The following TAB2 variants were observed in gnomAD, a reference collection of about 807,000 sequenced individuals.
TAB2 encodes the protein TGF-beta-activated kinase 1 and MAP3K7-binding protein 2.
Under a neutral mutation model 65.0 loss-of-function variants are expected in TAB2, and 3 were observed. The ratio of observed to expected loss-of-function variants is 0.05; its 90% confidence interval spans 0.02 to 0.12. The LOEUF (loss-of-function observed/expected upper bound fraction) is 0.12. Among genes scored for constraint, TAB2 ranks in the 10% least tolerant of loss-of-function variants. The probability of loss-of-function intolerance (pLI) is 1.00; values close to 1 mark genes in which losing one functional copy is unlikely to be tolerated. For synonymous variants in TAB2, 298 were observed against 285.1 expected (o/e 1.05, Z -0.46); for missense variants, 623 against 840.3 (o/e 0.74, Z 3.20).
At chr6:149,406,133 C>CT (rs1321502838) in intron 6 of TAB2, among the ~76,000 whole-genome samples, 1 of 152,164 alleles carries the variant, frequency 6.6e-6, no homozygotes, top group Admixed American at 6.5e-5. Context: ...CAGGTCAGCA[C>CT]TCATAGTGTT....
intron 1 of TAB2, among the ~76,000 whole-genome samples, chr6:149,258,352 G>C (rs1393316946): frequency 2.6e-5 from 4 of 151,588 alleles, no homozygotes; most frequent in African/African-American, 7.3e-5. Context: ...CATGAACTTA[G>C]GAAAATATAG....
At chr6:149,385,265 AATTTT>A (rs1781752163) in intron 3 of TAB2, among the ~76,000 whole-genome samples, 1 of 152,372 alleles carries the variant, frequency 6.6e-6, no homozygotes, top group East Asian at 1.9e-4. Flanking sequence ...AAGGAAATAT[AATTTT>A]ATTTAGTTCA....
In TAB2 at chr6:149,367,134, C is replaced by T. The variant is rs527299205; in HGVS notation, c.-89-2775C>T. ...CAGTGAACTTCAGAGTCCTTGATCC[C>T]ATGGGGCTAATGTTTTGGGGATGGA... On this transcript the variant is annotated intron_variant, in intron 1 of 6. Coordinates refer to ENST00000637181, the MANE Select transcript of TAB2 (RefSeq NM_001292034.3). 3.9e-5 allele frequency among the ~76,000 whole-genome samples: 6 copies of T among 152,088 alleles called. No homozygotes were observed. In the East Asian group the frequency reaches 7.7e-4, roughly 20 times the overall value.
chr6:149,383,321 A>T (rs913738931), intron 3 of TAB2, among the ~76,000 whole-genome samples: 2 of 152,186 alleles, frequency 1.3e-5, no homozygotes, highest in African/African-American at 4.8e-5. Flanking sequence ...CCTACCAAGA[A>T]AGCAGGTTTC....
intron 2 of TAB2, among the ~76,000 whole-genome samples, chr6:149,370,348 G>A (rs996674949): frequency 1.3e-5 from 2 of 152,168 alleles, no homozygotes; most frequent in African/African-American, 4.8e-5. Context: ...GTAAAGCATT[G>A]ATAATATCTG....
rs6923226 is a variant in TAB2, at chr6:149,305,384, T to G, written c.-120-72634T>G. On this transcript the variant is annotated intron_variant, in intron 1 of 1. Coordinates refer to the TAB2 transcript ENST00000606202. ...CACCACAAGCTTAAAATCGAAATCC[T>G]GCATTAGTTTGTCACTTTGAATACG... Among the ~76,000 whole-genome samples the G allele has an allele frequency of 2.7e-3, 412 of 152,324 alleles. 2 individuals are homozygous for G. In the Middle Eastern group the frequency reaches 0.027, roughly 10 times the overall value.
intron 1 of TAB2, chr6:149,243,516 CA>C (rs753350104): frequency 5.9e-5 from 9 of 152,292 alleles, no homozygotes; most frequent in South Asian, 4.1e-4. Context: ...TAAGTTTGTA[CA>C]AATCTTCCCC....
intron 6 of TAB2, among the ~76,000 whole-genome samples, chr6:149,403,980 G>A (rs1782574982): frequency 2.0e-5 from 3 of 152,072 alleles, no homozygotes; most frequent in African/African-American, 7.2e-5. Flanking sequence ...ATATCACCTA[G>A]CCAGAGCAAT....
intron 1 of TAB2, among the ~76,000 whole-genome samples, chr6:149,357,550 G>A (rs1780706252): frequency 6.6e-6 from 1 of 151,232 alleles, no homozygotes; most frequent in Non-Finnish European, 1.5e-5. Flanking sequence ...GTTTAATTTA[G>A]TCTATGCTTC....
intron 1 of TAB2, among the ~76,000 whole-genome samples, chr6:149,328,046 T>G (rs575487044): frequency 4.6e-5 from 7 of 152,320 alleles, no homozygotes; most frequent in African/African-American, 1.7e-4. Flanking sequence ...TGAAGGTAAT[T>G]AGTTCATTAC....
rs116300073 is a variant in TAB2, at chr6:149,334,867, G to A, written c.-90+16852G>A. Among the ~76,000 whole-genome samples, 766 of 152,202 alleles carry A rather than the reference G, an allele frequency of 5.0e-3. 8 individuals are homozygous for A. The highest frequency in any genetic ancestry group is 0.018 in the African/African-American group (739 of 41,530). On this transcript the variant is annotated intron_variant, in intron 1 of 6. Coordinates refer to ENST00000637181, the MANE Select transcript of TAB2 (RefSeq NM_001292034.3). ...AGAGGAAAAGAATTGAGAACTCTGAGGTTTCTAGCTTCAGAAGCATGTCAT... is the reference window on the plus strand; with the variant it reads ...AGAGGAAAAGAATTGAGAACTCTGAAGTTTCTAGCTTCAGAAGCATGTCAT...
At chr6:149,320,266 G>C (rs924015490) in intron 1 of TAB2, among the ~76,000 whole-genome samples, 2 of 152,062 alleles carry the variant, frequency 1.3e-5, no homozygotes, top group African/African-American at 2.4e-5. Flanking sequence ...TAGTAGAGAT[G>C]GAGTTTCACC....
chr6:149,229,308 C>T (rs975516067), intron 1 of TAB2, among the ~76,000 whole-genome samples: 5 of 152,120 alleles, frequency 3.3e-5, no homozygotes, highest in Admixed American at 2.0e-4. Flanking sequence ...AACAGTGCAA[C>T]GTAAAACCCT....
At chr6:149,259,101 T>C (rs571930483) in intron 1 of TAB2, among the ~76,000 whole-genome samples, 233 of 152,328 alleles carry the variant, frequency 1.5e-3, no homozygotes, top group African/African-American at 5.4e-3. Context: ...AGAGCCACTT[T>C]AGACTTCTGA....
chr6:149,253,962 G>GAA (rs1562389207), intron 1 of TAB2, among the ~76,000 whole-genome samples: 610 of 42,670 alleles, frequency 0.014, 2 homozygotes, highest in Non-Finnish European at 0.019. Context: ...GAAAGAAAAA[G>GAA]AAAGAAAGAA....
intron 1 of TAB2, among the ~76,000 whole-genome samples, chr6:149,344,407 AT>A (rs1217893704): frequency 2.6e-5 from 4 of 152,206 alleles, no homozygotes; most frequent in African/African-American, 9.6e-5. Context: ...ACTGGAGAGA[AT>A]CAGCTTTGTG....
Position 149,378,957 on chromosome 6 carries a change from A to G in TAB2, c.1042A>G (p.Thr348Ala). 1 of 1,614,120 alleles carries G rather than the reference A, an allele frequency of 6.2e-7. No individual in the cohort carries two copies. The highest frequency in any genetic ancestry group is 8.5e-7 in the Non-Finnish European group (1 of 1,180,040). Reference sequence around the variant, plus strand: ...AAAACTGCGTTCTTCTGGACCTCGAACCTCCAGCACTTCCTCTTCAGTCAA... The same window carrying G: ...AAAACTGCGTTCTTCTGGACCTCGAGCCTCCAGCACTTCCTCTTCAGTCAA... ...SSKLRSSGPR[T>A]SSTSSSVNSQ... The change falls in exon 3 of 7, where the codon ACC becomes GCC. Residue 348 changes from threonine to alanine, a missense_variant. Around this residue, in one of 3 missense-constraint regions of TAB2, gnomAD observed 550 missense variants for 665.7 expected, o/e 0.83. Coordinates refer to ENST00000637181, the MANE Select transcript of TAB2 (RefSeq NM_001292034.3).
At chr6:149,294,064 C>G (rs1243383122) in intron 1 of TAB2, among the ~76,000 whole-genome samples, 1 of 152,164 alleles carries the variant, frequency 6.6e-6, no homozygotes, top group Non-Finnish European at 1.5e-5. Context: ...CTGATTATAT[C>G]TGACTTTGCT....
At chr6:149,293,413 T>G (rs1475681572) in intron 1 of TAB2, among the ~76,000 whole-genome samples, 3 of 152,254 alleles carry the variant, frequency 2.0e-5, no homozygotes, top group Non-Finnish European at 4.4e-5. Flanking sequence ...TCCAGTAAGC[T>G]GTCATTAATT....
Sources: allele counts gnomAD v4.1 joint callset (sites outside exome capture counted in the v4.1 genomes callset), GRCh38; gene constraint gnomAD v4.1.1; regional missense constraint gnomAD v4.1.1; transcripts MANE v1.5; gene names NCBI Gene and HGNC (gene_info 2026-07-23, HGNC 2026-07-21).